The following PXT1 variants were observed in gnomAD, a reference collection of about 807,000 sequenced individuals.
PXT1 encodes peroxisomal testis-specific protein 1.
In PXT1, 11 loss-of-function variants were observed where a neutral mutation model predicts 11.0. The ratio of observed to expected loss-of-function variants is 1.00; its 90% CI spans 0.63 to 1.66. The LOEUF is 1.66. Among genes scored for constraint, PXT1 ranks in the 40% most tolerant of loss-of-function variants. PXT1 has a pLI of 0.00. For missense variants in PXT1, 141 were observed against 155.5 expected (o/e 0.91, Z 0.49); for synonymous variants, 43 against 51.4 (o/e 0.84, Z 0.70).
chr6:36,400,123 C>T (rs1001625166), intron 4 of PXT1, among the ~76,000 whole-genome samples: 1 of 152,194 alleles, frequency 6.6e-6, no homozygotes, highest in Non-Finnish European at 1.5e-5. Flanking sequence ...AATGTGCACA[C>T]AAATCCCCTG....
At position 36,430,527 on chromosome 6, in the gene PXT1, G is replaced by T. The variant is rs764614041; in HGVS notation, c.-9-4436C>A. On this transcript the variant is annotated intron_variant, in intron 2 of 4. Transcript: ENST00000454782. ...TGACAATGGAAGCAGAGGTCAGAAT[G>T]ACATGAGAAGAATCTATCTATAACC... is the stretch of plus-strand genomic sequence containing the variant. 3.6e-4 allele frequency among the ~76,000 whole-genome samples: 55 copies of T among 152,300 alleles called. 1 individual carries two copies. The highest frequency in any genetic ancestry group is 1.9e-3 in the Admixed American group (29 of 15,294).
chr6:36,413,920 GCCCAGGAC>G (rs1774411265), intron 3 of PXT1, among the ~76,000 whole-genome samples: 2 of 152,192 alleles, frequency 1.3e-5, no homozygotes, highest in Non-Finnish European at 2.9e-5. Flanking sequence ...GACAGGTTGA[GCCCAGGAC>G]TTCAAGGCTA....
chr6:36,439,815 G>C (rs1774829426), intron 1 of PXT1, among the ~76,000 whole-genome samples: 2 of 152,298 alleles, frequency 1.3e-5, no homozygotes, highest in African/African-American at 4.8e-5. Flanking sequence ...AACATTATCA[G>C]TTTACACCCA....
At chr6:36,401,559 C>T (rs978715239) in intron 3 of PXT1, among the ~76,000 whole-genome samples, 10 of 148,638 alleles carry the variant, frequency 6.7e-5, no homozygotes, top group Admixed American at 2.0e-4. Context: ...GAGGCTGGAG[C>T]GAGCTATGAT....
chr6:36,419,872 A>C (rs933966044), intron 3 of PXT1, among the ~76,000 whole-genome samples: 2 of 152,174 alleles, frequency 1.3e-5, no homozygotes, highest in Non-Finnish European at 2.9e-5. Context: ...ATGGTCCCCA[A>C]ATCTCCAAGA....
At chr6:36,430,422 A>C (rs900149692) in intron 2 of PXT1, among the ~76,000 whole-genome samples, 2 of 152,340 alleles carry the variant, frequency 1.3e-5, no homozygotes, top group Admixed American at 6.5e-5. Flanking sequence ...TGAAGAGATT[A>C]TCCTGGATTA....
chr6:36,413,783 G>T (rs1486619267), intron 3 of PXT1, among the ~76,000 whole-genome samples: 1 of 152,178 alleles, frequency 6.6e-6, no homozygotes, highest in Non-Finnish European at 1.5e-5. Flanking sequence ...GACTGCTTGA[G>T]CCCAGGAGTT....
intron 2 of PXT1, among the ~76,000 whole-genome samples, chr6:36,433,837 A>AAAAAAAAAAAAAAAG (rs10677902): frequency 7.5e-6 from 1 of 132,850 alleles, no homozygotes; most frequent in Non-Finnish European, 1.6e-5. Context: ...AAAAAAAAAA[A>AAAAAAAAAAAAAAAG]AAAGAAAAGA....
intron 2 of PXT1, among the ~76,000 whole-genome samples, chr6:36,428,509 C>G (rs1345841245): frequency 6.6e-6 from 1 of 151,908 alleles, no homozygotes; most frequent in African/African-American, 2.4e-5. Flanking sequence ...GGCCGGCTGA[C>G]AGCTTTACCC....
chr6:36,434,892 G>A (rs886715093), intron 2 of PXT1, among the ~76,000 whole-genome samples: 1 of 152,182 alleles, frequency 6.6e-6, no homozygotes, highest in Non-Finnish European at 1.5e-5. Context: ...AAATGTATCA[G>A]CTGAAATGTT....
chr6:36,436,384 G>A (rs2127419058), intron 2 of PXT1, among the ~76,000 whole-genome samples: 1 of 152,324 alleles, frequency 6.6e-6, no homozygotes, highest in South Asian at 2.1e-4. Context: ...CAGAAGCACT[G>A]GAGATGGAAA....
At chr6:36,428,157 A>G (rs1774634917) in intron 2 of PXT1, among the ~76,000 whole-genome samples, 1 of 152,102 alleles carries the variant, frequency 6.6e-6, no homozygotes, top group Non-Finnish European at 1.5e-5. Context: ...AAAAGTACTA[A>G]AATTCCTGGC....
At chr6:36,413,702 A>G (rs1774408174) in intron 3 of PXT1, among the ~76,000 whole-genome samples, 1 of 152,196 alleles carries the variant, frequency 6.6e-6, no homozygotes, top group Admixed American at 6.5e-5. Flanking sequence ...TGTCAATAAT[A>G]TGTGAGAGGC....
intron 3 of PXT1, among the ~76,000 whole-genome samples, chr6:36,405,909 G>A (rs114088660): frequency 0.015 from 2,214 of 152,276 alleles, 26 homozygotes; most frequent in Non-Finnish European, 0.021. Context: ...AGGCTATACC[G>A]TCTAGCCTAG....
chr6:36,395,493 ATTTTT>A (rs148553371), intron 4 of PXT1, among the ~76,000 whole-genome samples: 3 of 73,346 alleles, frequency 4.1e-5, no homozygotes, highest in Admixed American at 2.1e-4. Context: ...CAAACTTAGG[ATTTTT>A]TTTTTTTTTT....
At chr6:36,402,755 T>C (rs373782523) in intron 3 of PXT1, among the ~76,000 whole-genome samples, 15 of 151,936 alleles carry the variant, frequency 9.9e-5, no homozygotes, top group African/African-American at 3.6e-4. Context: ...GGGAGGGACA[T>C]AGGAGACAAA....
intron 2 of PXT1, among the ~76,000 whole-genome samples, chr6:36,432,020 G>T (rs753937925): frequency 6.6e-6 from 1 of 151,916 alleles, no homozygotes; most frequent in Admixed American, 6.6e-5. Context: ...GCAGTGAGCC[G>T]AGATTGCGCC....
chr6:36,405,551 GT>G (rs1429634993), intron 3 of PXT1, among the ~76,000 whole-genome samples: 8 of 152,108 alleles, frequency 5.3e-5, no homozygotes, highest in Admixed American at 1.3e-4. Context: ...GCTTTTTGTA[GT>G]TTTTTAGTAG....
At chr6:36,412,079 C>T (rs564707146) in intron 3 of PXT1, among the ~76,000 whole-genome samples, 32 of 150,582 alleles carry the variant, frequency 2.1e-4, no homozygotes, top group Admixed American at 1.1e-3. Context: ...GAGCCAGGCG[C>T]GGTGGCTCAT....
Sources: gnomAD v4.1 joint callset for allele counts (sites outside exome capture counted in the v4.1 genomes callset) on GRCh38, gnomAD v4.1.1 for gene constraint, MANE v1.5 for transcripts, NCBI Gene and HGNC (gene_info 2026-07-23, HGNC 2026-07-21) for gene names.